PPM1G: variants seen among roughly 807,000 people sequenced by gnomAD.
PPM1G encodes the protein protein phosphatase 1G.
A neutral mutation model predicts 59.4 loss-of-function variants in PPM1G; 12 were observed. That is an observed-to-expected ratio of 0.20 (90% CI 0.13 to 0.33). PPM1G has a LOEUF of 0.33. PPM1G is among the 10% of genes least tolerant of loss of function. The pLI is 1.00. For synonymous variants in PPM1G, 245 were observed against 251.9 expected, an observed-to-expected ratio of 0.97 and a Z score of 0.26; for missense variants, 392 against 681.3, an observed-to-expected ratio of 0.58 and a Z score of 4.73.
chr2:27,395,211 G>T (rs1341824758), intron 1 of PPM1G, among the ~76,000 whole-genome samples: 1 of 146,430 alleles, frequency 6.8e-6, no homozygotes, highest in Admixed American at 6.9e-5. Flanking sequence ...TCCTGCCTGG[G>T]TGACAGAGTG....
chr2:27,409,024 G>C (rs1268424445), intron 1 of PPM1G, among the ~76,000 whole-genome samples: 2 of 152,242 alleles, frequency 1.3e-5, no homozygotes, highest in Non-Finnish European at 2.9e-5. Context: ...GGCACGAGAG[G>C]ATGGCGCCAA....
chr2:27,396,463 C>A (rs952578577), intron 1 of PPM1G, among the ~76,000 whole-genome samples: 1 of 151,986 alleles, frequency 6.6e-6, no homozygotes, highest in Non-Finnish European at 1.5e-5. Context: ...ATGAAGAGTT[C>A]TGGAAACTGG....
chr2:27,382,746 A>G lies in PPM1G; in HGVS notation c.1202-141T>C. 9.5e-7 allele frequency: 1 copy of G among 1,048,782 alleles called. No individual in the cohort carries two copies. The highest frequency in any genetic ancestry group is 1.4e-6 in the Non-Finnish European group (1 of 727,776). The allele number at this position is 1,048,782 out of a possible 1,614,324, so 65.0% of individuals were successfully genotyped here. A position where few individuals can be genotyped will look rare whatever the true frequency, so the allele number is the denominator to read the frequency against. ...AATGGGGAACTGAGTCCTAAGTCCT[A>G]GTTTTTCTAGTTTCAACCCTGCCAC... On this transcript the variant is annotated intron_variant, in intron 7 of 9. Transcript: ENST00000344034. The surrounding 1 kb of genome is among the most constrained non-coding windows in gnomAD (Gnocchi z 4.2).
intron 1 of PPM1G, 128 bp from the exon 2 acceptor site, chr2:27,387,286 G>A: frequency 1.5e-6 from 1 of 666,978 alleles, no homozygotes; most frequent in Non-Finnish European, 2.6e-6. Flanking sequence ...AAGAAAGGAA[G>A]AAGGAATGAT....
chr2:27,394,190 C>A (rs1270191677), intron 1 of PPM1G, among the ~76,000 whole-genome samples: 1 of 152,194 alleles, frequency 6.6e-6, no homozygotes, highest in African/African-American at 2.4e-5. Context: ...AGCCACCGCA[C>A]CCACCAACAG....
chr2:27,386,688 G>T, intron 2 of PPM1G: 1 of 182,322 alleles, frequency 5.5e-6, no homozygotes, highest in Non-Finnish European at 1.2e-5. Context: ...CCGAGCAGCT[G>T]GGACCACAGG....
chr2:27,408,765 G>A (rs1663438836), intron 1 of PPM1G, among the ~76,000 whole-genome samples: 1 of 152,188 alleles, frequency 6.6e-6, no homozygotes, highest in Non-Finnish European at 1.5e-5. Flanking sequence ...TCCAGCCTCT[G>A]AAATTAACAT....
chr2:27,384,574 G>A lies in PPM1G; in HGVS notation c.825+99C>T. On this transcript the variant is annotated intron_variant, in intron 5 of 9. Coordinates refer to ENST00000344034, the MANE Select transcript of PPM1G (RefSeq NM_177983.3). The surrounding 1 kb of genome is among the most constrained non-coding windows in gnomAD (Gnocchi z 4.8). Reference sequence around the variant, plus strand: ...AATACAGTGGGTCTTGGGGGATGATGTCAAAATAGGAGAAGGAAAGAGAGT... The same window carrying A: ...AATACAGTGGGTCTTGGGGGATGATATCAAAATAGGAGAAGGAAAGAGAGT... 3 of 1,397,066 alleles carry A rather than the reference G, an allele frequency of 2.1e-6. No homozygotes were observed. The highest frequency in any genetic ancestry group is 2.9e-6 in the Non-Finnish European group (3 of 1,032,856). 86.5% of individuals were successfully genotyped at this position (1,397,066 alleles called of 1,614,324 possible). A position where few individuals can be genotyped will look rare whatever the true frequency, so the allele number is the denominator to read the frequency against.
At chr2:27,396,088 T>C (rs1166767916) in intron 1 of PPM1G, among the ~76,000 whole-genome samples, 2 of 152,048 alleles carry the variant, frequency 1.3e-5, no homozygotes, top group Non-Finnish European at 1.5e-5. Flanking sequence ...CTGGCCAACA[T>C]GGTGAAACCC....
At position 27,382,465 on chromosome 2, in the gene PPM1G, C is replaced by A. The variant is rs1330979215; in HGVS notation, c.1331+11G>T. On this transcript the variant is annotated intron_variant, in intron 8 of 9. Transcript: ENST00000344034. The surrounding 1 kb of genome is among the most constrained non-coding windows in gnomAD (Gnocchi z 4.2). ...AGAAAGGGGAATTTAGGGCATTCTG[C>A]CAGTGCTCACCAGATGCCATCACAG... The A allele has an allele frequency of 6.2e-7, 1 of 1,613,798 alleles. No homozygotes were observed. Among genetic ancestry groups the A allele is most frequent in the Admixed American group, 1.7e-5 (1 of 59,986 alleles).
intron 1 of PPM1G, among the ~76,000 whole-genome samples, chr2:27,397,703 T>C (rs1208875617): frequency 6.6e-6 from 1 of 152,040 alleles, no homozygotes; most frequent in Non-Finnish European, 1.5e-5. Context: ...CCTGTCTCTA[T>C]AAAAAATTTT....
In PPM1G at chr2:27,385,765, C is replaced by T; in HGVS notation, c.391G>A (p.Val131Ile). 1 of 1,613,276 alleles carries T rather than the reference C, an allele frequency of 6.2e-7. No homozygotes were observed. The highest frequency in any genetic ancestry group is 2.2e-5 in the East Asian group (1 of 44,840). ...CACTCACCATCATCTTCATCAGCTA[C>T]TTTTTCTTTTTCATCTTCATCCTCA... ...PTEDEDEKEK[V>I]ADEDDVDNEE... The change falls in exon 4 of 10, where the codon GTA (valine) becomes ATA (isoleucine). Residue 131 changes from valine (V) to isoleucine (I), a missense_variant. Physicochemically the swap from Val to Ile is conservative, Grantham distance 29 (BLOSUM62 3). Coordinates refer to ENST00000344034, the MANE Select transcript of PPM1G (RefSeq NM_177983.3). The surrounding 1 kb of genome is among the most constrained non-coding windows in gnomAD (Gnocchi z 4.1).
At chr2:27,402,842 A>G (rs1459151581) in intron 1 of PPM1G, among the ~76,000 whole-genome samples, 2 of 143,164 alleles carry the variant, frequency 1.4e-5, no homozygotes, top group Non-Finnish European at 3.0e-5. Flanking sequence ...ATAAATAAAT[A>G]AATAAATAAA....
In PPM1G at chr2:27,409,301, A is replaced by G; in HGVS notation, c.120+2T>C. 1 of 1,549,446 alleles carries G rather than the reference A, an allele frequency of 6.5e-7. No individual in the cohort carries two copies. Among genetic ancestry groups the G allele is most frequent in the Non-Finnish European group, 8.7e-7 (1 of 1,148,830 alleles). Reference sequence around the variant, plus strand: ...CCAGCCTATGGGCCCCTGCCTCCTCACCTCCATGGAGACGCGCCAGCCTTG... The same window carrying G: ...CCAGCCTATGGGCCCCTGCCTCCTCGCCTCCATGGAGACGCGCCAGCCTTG... On this transcript the variant is annotated splice_donor_variant, in intron 1 of 9. Transcript: ENST00000344034. LOFTEE classifies it high-confidence loss of function.
intron 1 of PPM1G, among the ~76,000 whole-genome samples, chr2:27,408,408 T>C (rs965615552): frequency 1.3e-5 from 2 of 152,194 alleles, no homozygotes; most frequent in Non-Finnish European, 2.9e-5. Flanking sequence ...TACCGCAGTT[T>C]TCCCTCTTCT....
At position 27,409,473 on chromosome 2, in the gene PPM1G, T is replaced by TGCCGGAGCCGAAGCCCCGGGGGTGCGC. The variant is rs1363453076; in HGVS notation, c.-78_-52dup. On this transcript the variant is annotated 5_prime_UTR_variant, in exon 1 of 10. Transcript: ENST00000344034. ...GTGCAGGAAAGCTGGGCGCGACCCG[T>TGCCGGAGCCGAAGCCCCGGGGGTGCGC]GCCGGAGCCGAAGCCCCGGGGGTGC... The TGCCGGAGCCGAAGCCCCGGGGGTGCGC allele has an allele frequency of 7.0e-7, 1 of 1,424,570 alleles. No individual in the cohort carries two copies. The highest frequency in any genetic ancestry group is 1.5e-5 in the African/African-American group (1 of 66,400). 88.2% of individuals were successfully genotyped at this position (1,424,570 alleles called of 1,614,324 possible). A position where few individuals can be genotyped will look rare whatever the true frequency, so the allele number is the denominator to read the frequency against.
chr2:27,399,853 A>T (rs1486493596), intron 1 of PPM1G, among the ~76,000 whole-genome samples: 1 of 152,012 alleles, frequency 6.6e-6, no homozygotes, highest in East Asian at 1.9e-4. Flanking sequence ...CGTAGTTACC[A>T]TATGACCCAG....
chr2:27,386,452 T>C (rs1683764633), intron 2 of PPM1G, 173 bp from the exon 3 acceptor site: 1 of 476,970 alleles, frequency 2.1e-6, no homozygotes, highest in Admixed American at 3.4e-5. Context: ...TCCAAAAAAA[T>C]GGATTTCACC....
chr2:27,409,553 G>T lies in PPM1G; in HGVS notation c.-131C>A. 1 of 1,197,964 alleles carries T rather than the reference G, an allele frequency of 8.3e-7. No individual in the cohort carries two copies. The highest frequency in any genetic ancestry group is 1.1e-6 in the Non-Finnish European group (1 of 930,682). 74.2% of individuals were successfully genotyped at this position (1,197,964 alleles called of 1,614,324 possible). A position where few individuals can be genotyped will look rare whatever the true frequency, so the allele number is the denominator to read the frequency against. On this transcript the variant is annotated 5_prime_UTR_variant, in exon 1 of 10. Transcript: ENST00000344034. ...CCGACGCAAGGTGCCGGTGAAAGGC[G>T]CGAGGCCGGCCAGGAGGCGGTAACG...
Sources: gnomAD v4.1 joint callset for allele counts (sites outside exome capture counted in the v4.1 genomes callset) on GRCh38, gnomAD v4.1.1 for gene constraint, Gnocchi (gnomAD v3.1) non-coding constraint, MANE v1.5 for transcripts, NCBI Gene and HGNC (gene_info 2026-07-23, HGNC 2026-07-21) for gene names.